The following ATF7 variants were observed in gnomAD, a reference collection of about 807,000 sequenced individuals.
The protein encoded by ATF7 is activating transcription factor 7.
ATF7 carries 10 observed loss-of-function variants against 50.4 expected under a neutral mutation model. The observed-to-expected ratio is 0.20, with a 90% CI of 0.12 to 0.34. The LOEUF (loss-of-function observed/expected upper bound fraction) is 0.34, where lower values mean the gene tolerates loss of function less well. Among genes scored for constraint, ATF7 ranks in the 10% least tolerant of loss-of-function variants. ATF7 has a pLI of 1.00. For missense variants in ATF7, 465 were observed against 613.9 expected, an observed-to-expected ratio of 0.76 and a Z score of 2.56; for synonymous variants, 201 against 226.4, an observed-to-expected ratio of 0.89 and a Z score of 1.01.
chr12:53,572,669 G>C lies in ATF7; in HGVS notation c.49-20032C>G, dbSNP rs190570296. ...GTTCAAAAATAGATGAGTACTGGTC[G>C]AGTAAGGTGGCTCACACCTATAATT... On this transcript the variant is annotated intron_variant, in intron 2 of 11. Coordinates refer to ENST00000420353, the MANE Select transcript of ATF7 (RefSeq NM_006856.3). Among the ~76,000 whole-genome samples, 6 of 152,252 alleles carry C rather than the reference G, an allele frequency of 3.9e-5. No individual in the cohort carries two copies. The East Asian group carries it at 1.2e-3, about 29-fold the overall frequency.
chr12:53,612,576 C>T (rs1287275546), intron 1 of ATF7, among the ~76,000 whole-genome samples: 4 of 152,162 alleles, frequency 2.6e-5, no homozygotes, highest in South Asian at 2.1e-4. Flanking sequence ...CCAACAGCTG[C>T]ATTTTTCAAG....
chr12:53,556,641 T>C (rs1031560715), intron 2 of ATF7, among the ~76,000 whole-genome samples: 4 of 152,238 alleles, frequency 2.6e-5, no homozygotes, highest in Admixed American at 6.5e-5. Flanking sequence ...AATCTGGCTA[T>C]GTTTTACATA....
At chr12:53,614,618 G>A (rs1944036308) in intron 1 of ATF7, among the ~76,000 whole-genome samples, 1 of 152,144 alleles carries the variant, frequency 6.6e-6, no homozygotes, top group Non-Finnish European at 1.5e-5. Context: ...GAGACACTTA[G>A]AAGTTCTCAG....
At chr12:53,610,391 C>T (rs1007771584) in intron 1 of ATF7, among the ~76,000 whole-genome samples, 4 of 151,750 alleles carry the variant, frequency 2.6e-5, no homozygotes, top group South Asian at 2.1e-4. Context: ...ATGGTGAAAC[C>T]CTATCTCTAC....
chr12:53,524,512 T>C lies in ATF7; in HGVS notation c.1125+52A>G. 2 of 1,595,740 alleles carry C rather than the reference T, an allele frequency of 1.3e-6. No individual in the cohort carries two copies. The highest frequency in any genetic ancestry group is 1.7e-6 in the Non-Finnish European group (2 of 1,168,616). On this transcript the variant is annotated intron_variant, in intron 10 of 11. Coordinates refer to ENST00000420353, the MANE Select transcript of ATF7 (RefSeq NM_006856.3). This position sits in a 1 kb window ranked among gnomAD's most constrained non-coding sequence, Gnocchi z 4.6. ...ATTGTACCACTTTTTTCTGATTCCA[T>C]CCCACTTTCTGGATTTTCAACAATT...
At chr12:53,561,384 G>C (rs1201491260) in intron 2 of ATF7, among the ~76,000 whole-genome samples, 1 of 149,882 alleles carries the variant, frequency 6.7e-6, no homozygotes, top group African/African-American at 2.4e-5. Flanking sequence ...TGAGGAGTAA[G>C]TTCTAGAATA....
intron 1 of ATF7, among the ~76,000 whole-genome samples, chr12:53,614,103 G>A (rs1389820577): frequency 3.9e-5 from 6 of 152,126 alleles, no homozygotes; most frequent in African/African-American, 1.4e-4. Flanking sequence ...CAAAGCTTAG[G>A]AACCTACCTG....
chr12:53,528,811 C>A (rs1043557933), intron 9 of ATF7, among the ~76,000 whole-genome samples: 2 of 151,640 alleles, frequency 1.3e-5, no homozygotes, highest in African/African-American at 2.4e-5. Context: ...AAAATTAGTT[C>A]TTTAGGAGAA....
At chr12:53,591,012 T>G (rs142037108) in intron 2 of ATF7, among the ~76,000 whole-genome samples, 1 of 152,206 alleles carries the variant, frequency 6.6e-6, no homozygotes, top group East Asian at 1.9e-4. Flanking sequence ...CTAATGAAAA[T>G]TATGGCCTTT....
chr12:53,548,573 T>C (rs940479036), intron 3 of ATF7, among the ~76,000 whole-genome samples: 2 of 152,120 alleles, frequency 1.3e-5, no homozygotes, highest in South Asian at 4.1e-4. Flanking sequence ...GCTCAAGTGA[T>C]CCTCCTACCT....
At chr12:53,508,750 C>T (rs1270524621), downstream of ATF7, among the ~76,000 whole-genome samples, 3 of 152,104 alleles carry the variant, frequency 2.0e-5, no homozygotes, top group Non-Finnish European at 2.9e-5. Context: ...GTCACAGCTC[C>T]TCATTGCCAG....
At chr12:53,558,651 T>TA (rs1263787036) in intron 2 of ATF7, among the ~76,000 whole-genome samples, 47 of 152,140 alleles carry the variant, frequency 3.1e-4, no homozygotes, top group Admixed American at 3.1e-3. Context: ...AAAAAGATAA[T>TA]ATAGAAGAAG....
chr12:53,535,328 CAAAA>C (rs397938442), intron 5 of ATF7, among the ~76,000 whole-genome samples: 8 of 64,940 alleles, frequency 1.2e-4, no homozygotes, highest in Admixed American at 1.8e-4. Flanking sequence ...GACTCTGCCT[CAAAA>C]AAAAAAAAAA....
At chr12:53,576,701 AAAACAAAC>A (rs556071136) in intron 2 of ATF7, among the ~76,000 whole-genome samples, 18 of 152,234 alleles carry the variant, frequency 1.2e-4, no homozygotes, top group East Asian at 5.8e-4. Context: ...TGTTCTTTAT[AAAACAAAC>A]AAACAAACAA....
chr12:53,523,018 CTG>C (rs1029573903), intron 11 of ATF7: 2 of 368,658 alleles, frequency 5.4e-6, no homozygotes, highest in African/African-American at 4.1e-5. Flanking sequence ...CTTGGGAAGA[CTG>C]TAGCATGCCT....
intron 3 of ATF7, among the ~76,000 whole-genome samples, chr12:53,546,245 C>T (rs945725714): frequency 2.0e-5 from 3 of 151,694 alleles, no homozygotes; most frequent in South Asian, 2.1e-4. Context: ...AAAAATTAAC[C>T]GGTGTGGTGG....
In ATF7 at chr12:53,555,737, C is replaced by T. The variant is rs374558751; in HGVS notation, c.49-3100G>A. Among the ~76,000 whole-genome samples the T allele has an allele frequency of 8.9e-4, 135 of 151,958 alleles. 4 individuals carry two copies. The South Asian group carries it at 0.027, about 30-fold the overall frequency. ...GTTGGTCAGGCTGGTCTCGAATTCC[C>T]GACCTCAGGTGATCCGCCTGCCTTG... On this transcript the variant is annotated intron_variant, in intron 2 of 11. Coordinates refer to ENST00000420353, the MANE Select transcript of ATF7 (RefSeq NM_006856.3).
intron 7 of ATF7, 124 bp downstream of exon 7, chr12:53,533,036 A>G (rs1287114974): frequency 4.8e-6 from 4 of 828,558 alleles, no homozygotes; most frequent in African/African-American, 1.7e-5. Flanking sequence ...GCAGGCTGCC[A>G]TGCTCAGCTA....
intron 2 of ATF7, among the ~76,000 whole-genome samples, chr12:53,598,012 G>C (rs1943240669): frequency 6.6e-6 from 1 of 152,064 alleles, no homozygotes. Flanking sequence ...GAAAGAACTT[G>C]AATCAATGAC....
Sources: gnomAD v4.1 joint callset for allele counts (sites outside exome capture counted in the v4.1 genomes callset) on GRCh38, gnomAD v4.1.1 for gene constraint, Gnocchi (gnomAD v3.1) non-coding constraint, MANE v1.5 for transcripts, NCBI Gene and HGNC (gene_info 2026-07-23, HGNC 2026-07-21) for gene names.